The following LAD1 variants were observed in gnomAD, a reference collection of about 807,000 sequenced individuals.
The protein encoded by LAD1 is ladinin-1.
LAD1 carries 53 observed loss-of-function variants against 54.2 expected under a neutral mutation model. That is an observed-to-expected ratio of 0.98 (90% CI 0.78 to 1.23). The LOEUF (loss-of-function observed/expected upper bound fraction) is 1.23. Among genes scored for constraint, LAD1 ranks in the 50% most tolerant of loss-of-function variants. The pLI is 0.00. For missense variants in LAD1, 637 were observed against 653.3 expected, an observed-to-expected ratio of 0.98 and a Z score of 0.27; for synonymous variants, 231 against 257.7, an observed-to-expected ratio of 0.90 and a Z score of 0.99.
intron 1 of LAD1, among the ~76,000 whole-genome samples, chr1:201,392,059 C>T (rs549870988): frequency 1.3e-5 from 2 of 152,376 alleles, no homozygotes; most frequent in African/African-American, 4.8e-5. Flanking sequence ...TCCCACTGAG[C>T]CTGTCTCCTC....
Position 201,382,742 on chromosome 1 carries a change from A to C in LAD1, c.1387-3T>G, listed in dbSNP as rs1558269191. On this transcript the variant is annotated splice_polypyrimidine_tract_variant and splice_region_variant and intron_variant, in intron 7 of 9. Transcript: ENST00000391967. ...ACCCCTGAGAGCCTCAAGTTCTCCTAAAAAGAGAACTTTCCATCTCAGGGT... is the reference window on the plus strand; with the variant it reads ...ACCCCTGAGAGCCTCAAGTTCTCCTCAAAAGAGAACTTTCCATCTCAGGGT... 6.3e-7 allele frequency: 1 copy of C among 1,591,082 alleles called. No homozygotes were observed. The highest frequency in any genetic ancestry group is 1.3e-5 in the African/African-American group (1 of 74,710).
chr1:201,395,174 T>G (rs1334624498), intron 1 of LAD1, among the ~76,000 whole-genome samples: 1 of 152,184 alleles, frequency 6.6e-6, no homozygotes, highest in Non-Finnish European at 1.5e-5. Flanking sequence ...ATGAGTCCCT[T>G]CAGCAGCACC....
intron 1 of LAD1, among the ~76,000 whole-genome samples, chr1:201,398,488 G>A (rs534599665): frequency 7.2e-5 from 11 of 152,306 alleles, no homozygotes; most frequent in African/African-American, 2.6e-4. Flanking sequence ...AATGCTCACA[G>A]GGGGCCTTCT....
At position 201,386,962 on chromosome 1, in the gene LAD1, G is replaced by A; in HGVS notation, c.399C>T (p.Val133=). 1 of 1,610,800 alleles carries A rather than the reference G, an allele frequency of 6.2e-7. No individual in the cohort carries two copies. The highest frequency in any genetic ancestry group is 8.5e-7 in the Non-Finnish European group (1 of 1,179,006). Residue 133 remains valine (V), a synonymous_variant, in exon 3 of 10, where the codon GTC becomes GTT. Transcript: ENST00000391967. ...SPVQATQKPL[V]SKKELEIPPR... ...GTGGGATTTCCAGTTCCTTCTTGGA[G>A]ACTAGGGGTTTCTGTGTGGCCTGCA...
At chr1:201,392,275 A>G (rs186537152) in intron 1 of LAD1, among the ~76,000 whole-genome samples, 36 of 152,362 alleles carry the variant, frequency 2.4e-4, no homozygotes, top group African/African-American at 8.4e-4. Flanking sequence ...AGGACCTACT[A>G]TGTACCAGGC....
At position 201,389,296 on chromosome 1, in the gene LAD1, G is replaced by A. The variant is rs139550486; in HGVS notation, c.46C>T (p.Arg16Trp). The change falls in exon 2 of 10, where the codon CGG becomes TGG. Residue 16 changes from arginine (R) to tryptophan (W), a missense_variant. Transcript: ENST00000391967. ...TCCTCATCCTCCAGAGTCCTCTGCC[G>A]GGCAAGGCTGGGGGAGGGGAGGAGA... The part of the protein sequence containing the change: ...KDWSALSSLA[R>W]QRTLEDEEEQ... 9.3e-6 allele frequency: 15 copies of A among 1,612,188 alleles called. No individual in the cohort carries two copies. Among genetic ancestry groups the A allele is most frequent in the East Asian group, 4.5e-5 (2 of 44,868 alleles).
chr1:201,391,365 G>A (rs1439543960), intron 1 of LAD1, among the ~76,000 whole-genome samples: 2 of 152,130 alleles, frequency 1.3e-5, no homozygotes, highest in African/African-American at 4.8e-5. Context: ...ACACATCCAT[G>A]TACTCAGCCA....
chr1:201,383,644 C>T, intron 5 of LAD1: 1 of 523,102 alleles, frequency 1.9e-6, no homozygotes, highest in Non-Finnish European at 3.5e-6. Flanking sequence ...ATTTCCACTG[C>T]AAAACACCTC....
chr1:201,389,054 G>C, intron 2 of LAD1, 106 bp downstream of exon 2: 1 of 1,334,220 alleles, frequency 7.5e-7, no homozygotes, highest in Non-Finnish European at 1.0e-6. Context: ...ACACCCTTCA[G>C]CCTCATTTCC....
chr1:201,397,265 AGGGAGCGGAGC>A (rs768739093), intron 1 of LAD1: 1 of 152,590 alleles, frequency 6.6e-6, no homozygotes, highest in South Asian at 2.1e-4. Flanking sequence ...TTGTTCACCC[AGGGAGCGGAGC>A]GGGAGCGGTC....
intron 1 of LAD1, among the ~76,000 whole-genome samples, chr1:201,394,484 TA>T (rs1185362077): frequency 6.6e-6 from 1 of 152,182 alleles, no homozygotes; most frequent in African/African-American, 2.4e-5. Flanking sequence ...CAAATCAAAC[TA>T]TCCCCCTATG....
chr1:201,381,819 G>A lies in LAD1; in HGVS notation c.*69C>T, dbSNP rs967105854. The A allele has an allele frequency of 3.3e-6, 5 of 1,528,272 alleles. No homozygotes were observed. Among genetic ancestry groups the A allele is most frequent in the African/African-American group, 1.4e-5 (1 of 72,916 alleles). The allele number at this position is 1,528,272 out of a possible 1,614,324, so 94.7% of individuals were successfully genotyped here. On this transcript the variant is annotated 3_prime_UTR_variant, in exon 10 of 10. Coordinates refer to ENST00000391967, the MANE Select transcript of LAD1 (RefSeq NM_005558.4). The stretch of plus-strand genomic sequence containing the variant: ...ATGAGAGGAAAGGGTGCTGCTGTGA[G>A]AGGCAGGGGCCTGGCATGAGGGAGG...
At chr1:201,387,738 A>G (rs2102357266) in intron 2 of LAD1, among the ~76,000 whole-genome samples, 1 of 152,228 alleles carries the variant, frequency 6.6e-6, no homozygotes, top group Admixed American at 6.5e-5. Flanking sequence ...AGGCTGGGGG[A>G]GGGGAGGACA....
intron 1 of LAD1, among the ~76,000 whole-genome samples, chr1:201,396,235 C>G (rs990833790): frequency 6.6e-6 from 1 of 152,238 alleles, no homozygotes; most frequent in South Asian, 2.1e-4. Context: ...CCCTTTCCCC[C>G]ACCTCCTGGC....
At chr1:201,393,206 T>C (rs2719185) in intron 1 of LAD1, among the ~76,000 whole-genome samples, 80,658 of 151,860 alleles carry the variant, frequency 0.53, 22,794 homozygotes, top group African/African-American at 0.74. Flanking sequence ...GATCAAGACG[T>C]TGCAGCCAGG....
rs1257090675 is a variant in LAD1, at chr1:201,387,064, C to T, written c.297G>A (p.Arg99=). 1.2e-6 allele frequency: 2 copies of T among 1,611,884 alleles called. No individual in the cohort carries two copies. Among genetic ancestry groups the T allele is most frequent in the East Asian group, 2.2e-5 (1 of 44,892 alleles). The change falls in exon 3 of 10, where the codon CGG becomes CGA. Residue 99 remains arginine, a synonymous_variant. Coordinates refer to ENST00000391967, the MANE Select transcript of LAD1 (RefSeq NM_005558.4). ...LRTRQERRQR[R]QVVEAAQAPI... ...GGGCCTGTGCAGCCTCCACCACCTG[C>T]CGCCTCTGCCTCCGCTCCTGCCGTG... is the stretch of plus-strand genomic sequence containing the variant.
chr1:201,384,756 C>G (rs1662039682), intron 5 of LAD1, 36 bp downstream of exon 5: 1 of 1,611,026 alleles, frequency 6.2e-7, no homozygotes, highest in East Asian at 2.2e-5. Context: ...CTGAACATGG[C>G]CAAATAGAAA....
intron 1 of LAD1, among the ~76,000 whole-genome samples, chr1:201,398,834 C>A (rs1662347264): frequency 6.6e-6 from 1 of 152,198 alleles, no homozygotes; most frequent in Admixed American, 6.5e-5. Context: ...TCTCCCTGCT[C>A]CCCCTCCCAA....
At chr1:201,397,568 C>A (rs964727169) in intron 1 of LAD1, among the ~76,000 whole-genome samples, 2 of 151,930 alleles carry the variant, frequency 1.3e-5, no homozygotes, top group African/African-American at 4.8e-5. Flanking sequence ...CACACCCCCC[C>A]ATGCATATCC....
Sources: gnomAD v4.1 joint callset for allele counts (sites outside exome capture counted in the v4.1 genomes callset) on GRCh38, gnomAD v4.1.1 for gene constraint, MANE v1.5 for transcripts, NCBI Gene and HGNC (gene_info 2026-07-23, HGNC 2026-07-21) for gene names.